The following TAF3 variants were observed in gnomAD, a reference collection of about 807,000 sequenced individuals.
TAF3 encodes the protein TATA-box binding protein associated factor 3.
TAF3 carries 7 observed loss-of-function variants against 80.6 expected under a neutral mutation model. The observed-to-expected ratio is 0.09, with a 90% CI of 0.05 to 0.16. The LOEUF (loss-of-function observed/expected upper bound fraction) is 0.16. Among genes scored for constraint, TAF3 ranks in the 10% least tolerant of loss-of-function variants. TAF3 has a pLI of 1.00. For synonymous variants in TAF3, 444 were observed against 446.1 expected, an observed-to-expected ratio of 1.00 and a Z score of 0.06; for missense variants, 921 against 1,140.2, an observed-to-expected ratio of 0.81 and a Z score of 2.77.
chr10:7,840,644 A>G (rs546730445), intron 2 of TAF3, among the ~76,000 whole-genome samples: 1 of 152,174 alleles, frequency 6.6e-6, no homozygotes, highest in African/African-American at 2.4e-5. Flanking sequence ...GAAGACGGGA[A>G]TATCAAGGAG....
chr10:8,007,610 A>ATATATATG, intron 4 of TAF3, among the ~76,000 whole-genome samples: 1 of 50,376 alleles, frequency 2.0e-5, no homozygotes, highest in East Asian at 4.7e-4. Flanking sequence ...ATATATATAT[A>ATATATATG]CCTTTTTTTT....
At chr10:7,967,107 GAGAGTGA>G (rs1387376622) in intron 3 of TAF3, among the ~76,000 whole-genome samples, 1 of 152,198 alleles carries the variant, frequency 6.6e-6, no homozygotes, top group East Asian at 1.9e-4. Flanking sequence ...CTGAGCCTGA[GAGAGTGA>G]CTTGTCCAAG....
intron 2 of TAF3, among the ~76,000 whole-genome samples, chr10:7,835,395 C>T (rs1281977273): frequency 1.3e-5 from 2 of 152,184 alleles, no homozygotes; most frequent in African/African-American, 4.8e-5. Flanking sequence ...CCTCTTCTAT[C>T]GTTTTTGCGG....
At chr10:7,854,230 C>T (rs1255103148) in intron 2 of TAF3, among the ~76,000 whole-genome samples, 1 of 152,202 alleles carries the variant, frequency 6.6e-6, no homozygotes, top group Non-Finnish European at 1.5e-5. Context: ...GAATTTAGTA[C>T]TGCACAGGAA....
At chr10:7,891,978 CTT>C (rs1837460564) in intron 2 of TAF3, among the ~76,000 whole-genome samples, 1 of 152,164 alleles carries the variant, frequency 6.6e-6, no homozygotes, top group Admixed American at 6.5e-5. Flanking sequence ...CAGTGAATGA[CTT>C]TTGCTGATAG....
intron 2 of TAF3, among the ~76,000 whole-genome samples, chr10:7,854,539 T>C (rs1046960082): frequency 6.6e-6 from 1 of 152,040 alleles, no homozygotes; most frequent in African/African-American, 2.4e-5. Flanking sequence ...GGGGAAAGAC[T>C]TCTGTGAGGT....
chr10:7,845,050 A>G (rs1000524518), intron 2 of TAF3, among the ~76,000 whole-genome samples: 1 of 152,184 alleles, frequency 6.6e-6, no homozygotes, highest in Non-Finnish European at 1.5e-5. Context: ...TTTGACACAT[A>G]TTACCCATTG....
chr10:7,822,944 T>G (rs1244465), intron 1 of TAF3, among the ~76,000 whole-genome samples: 2 of 151,992 alleles, frequency 1.3e-5, no homozygotes, highest in African/African-American at 4.8e-5. Context: ...ATTTGAAAAT[T>G]TATAGATAAA....
intron 2 of TAF3, among the ~76,000 whole-genome samples, chr10:7,885,686 C>T (rs1272406893): frequency 6.6e-6 from 1 of 152,186 alleles, no homozygotes; most frequent in East Asian, 1.9e-4. Context: ...TTACTTTCCA[C>T]ACAGTCTTCA....
intron 4 of TAF3, among the ~76,000 whole-genome samples, chr10:7,988,792 TTTTC>T (rs201044629): frequency 0.032 from 4,716 of 149,574 alleles, 103 homozygotes; most frequent in Non-Finnish European, 0.047. Flanking sequence ...CAAGTAGGCA[TTTTC>T]TTTGTTTTTT....
rs75074398 is a variant in TAF3 at position 7,977,825 on chromosome 10, T to C, written c.2315+502T>C. 4.3e-3 allele frequency among the ~76,000 whole-genome samples: 648 copies of C among 152,328 alleles called. 4 individuals carry two copies. The highest frequency in any genetic ancestry group is 0.015 in the African/African-American group (619 of 41,560). On this transcript the variant is annotated intron_variant, in intron 4 of 6. Transcript: ENST00000344293. ...TATGTAATAGTCACAACTGATGACT[T>C]AGTCCACTTTTTTTTAAGGAAGCCC...
chr10:8,006,052 G>A lies in TAF3; in HGVS notation c.2316-3026G>A, dbSNP rs562696120. 7.2e-5 allele frequency among the ~76,000 whole-genome samples: 11 copies of A among 152,204 alleles called. No individual in the cohort carries two copies. The East Asian group carries it at 1.4e-3, about 19-fold the overall frequency. On this transcript the variant is annotated intron_variant, in intron 4 of 6. Transcript: ENST00000344293. ...GTCATTATGAAAAACAAACAAGGCC[G>A]GGCACCGTGGCTTACGCCTGTAATC... is the stretch of plus-strand genomic sequence containing the variant.
At chr10:7,987,098 G>A (rs1215769754) in intron 4 of TAF3, among the ~76,000 whole-genome samples, 1 of 152,148 alleles carries the variant, frequency 6.6e-6, no homozygotes. Context: ...AAGGCAGGCA[G>A]ATCACTTGAG....
At chr10:7,858,815 T>TGTGC (rs1235371969) in intron 2 of TAF3, among the ~76,000 whole-genome samples, 7 of 135,332 alleles carry the variant, frequency 5.2e-5, no homozygotes, top group Non-Finnish European at 1.1e-4. Context: ...TCTGTGTGTG[T>TGTGC]GTGTGTGTGT....
rs780667371 is a variant in TAF3, at chr10:7,963,900, C to T, written c.410-20C>T. The stretch of plus-strand genomic sequence containing the variant: ...TTCCAATAATATTTATTTTTTTCTT[C>T]CTTTTTCTTCCTTTACCAGAAGAAG... On this transcript the variant is annotated intron_variant, in intron 2 of 6. Coordinates refer to ENST00000344293, the MANE Select transcript of TAF3 (RefSeq NM_031923.4). 7.9e-5 allele frequency: 118 copies of T among 1,498,534 alleles called. No homozygotes were observed. Among genetic ancestry groups the T allele is most frequent in the East Asian group, 3.3e-4 (14 of 42,530 alleles). The allele number at this position is 1,498,534 out of a possible 1,614,324, so 92.8% of individuals were successfully genotyped here. A position where few individuals can be genotyped will look rare whatever the true frequency, so the allele number is the denominator to read the frequency against.
intron 2 of TAF3, among the ~76,000 whole-genome samples, chr10:7,866,363 C>T (rs1448093043): frequency 1.3e-5 from 2 of 152,238 alleles, no homozygotes; most frequent in Admixed American, 6.5e-5. Flanking sequence ...AGAGAATGAA[C>T]GTAGGGGCCT....
intron 4 of TAF3, among the ~76,000 whole-genome samples, chr10:8,003,128 T>G (rs1460383863): frequency 6.6e-6 from 1 of 152,228 alleles, no homozygotes; most frequent in Non-Finnish European, 1.5e-5. Context: ...ACCTTTTATG[T>G]GATATAATCA....
intron 2 of TAF3, among the ~76,000 whole-genome samples, chr10:7,895,176 G>C (rs1178253897): frequency 6.6e-6 from 1 of 152,110 alleles, no homozygotes; most frequent in East Asian, 1.9e-4. Flanking sequence ...TCCTAAATGA[G>C]GGGCAATTTC....
chr10:7,948,246 T>TTTTC (rs1199815990), intron 2 of TAF3, among the ~76,000 whole-genome samples: 9 of 146,326 alleles, frequency 6.2e-5, no homozygotes, highest in Admixed American at 1.4e-4. Context: ...TTTTCTTTTC[T>TTTTC]TTTCTTTCTT....
Sources: gnomAD v4.1 joint callset for allele counts (sites outside exome capture counted in the v4.1 genomes callset) on GRCh38, gnomAD v4.1.1 for gene constraint, MANE v1.5 for transcripts, NCBI Gene and HGNC (gene_info 2026-07-23, HGNC 2026-07-21) for gene names.